CXCL12: variants seen among roughly 807,000 people sequenced by gnomAD.
CXCL12 encodes C-X-C motif chemokine ligand 12.
CXCL12 carries 4 observed loss-of-function variants against 10.7 expected under a neutral mutation model. That is an observed-to-expected ratio of 0.37 (90% CI 0.18 to 0.86). CXCL12 has a LOEUF of 0.86. Among genes scored for constraint, CXCL12 ranks in the 40% least tolerant of loss-of-function variants. The pLI is 0.43. For synonymous variants in CXCL12, 54 were observed against 45.4 expected, an observed-to-expected ratio of 1.19 and a Z score of -0.77; for missense variants, 122 against 110.4, an observed-to-expected ratio of 1.10 and a Z score of -0.47.
intron 1 of CXCL12, 54 bp from the exon 2 acceptor site, chr10:44,380,934 T>G: frequency 2.8e-6 from 4 of 1,438,344 alleles, no homozygotes; most frequent in Non-Finnish European, 3.9e-6. Flanking sequence ...ATTTTGGTAA[T>G]GTGTGTCTGG....
Position 44,378,542 on chromosome 10 carries a change from C to CT in CXCL12, c.*90_*91insA. 6.3e-7 allele frequency: 1 copy of CT among 1,586,626 alleles called. No individual in the cohort carries two copies. Among genetic ancestry groups the CT allele is most frequent in the South Asian group, 1.1e-5 (1 of 88,484 alleles). ...CACACCTGGTCCTCATGGTTAAGGC[C>CT]CCCTCCCCCACGTCTTTGCCCTTTC... On this transcript the variant is annotated 3_prime_UTR_variant, in exon 3 of 3. Transcript: ENST00000343575.
chr10:44,373,346 G>C, downstream of CXCL12: 12 of 1,606,776 alleles, frequency 7.5e-6, no homozygotes, highest in Non-Finnish European at 9.4e-6. Context: ...TGAACCTCCT[G>C]TTGACAAGAA....
Position 44,385,081 on chromosome 10 carries a change from G to A in CXCL12, c.-76C>T. The A allele has an allele frequency of 8.7e-7, 1 of 1,155,552 alleles. No homozygotes were observed. The highest frequency in any genetic ancestry group is 3.0e-4 in the Middle Eastern group (1 of 3,376). The allele number at this position is 1,155,552 out of a possible 1,614,324, so 71.6% of individuals were successfully genotyped here. On this transcript the variant is annotated 5_prime_UTR_variant, in exon 1 of 3. Transcript: ENST00000343575. The stretch of plus-strand genomic sequence containing the variant: ...CGCCGAGCGGGCAATGCGGCTGACG[G>A]AGAGTGAAAGTGCGGCGGTGGGAGG...
At chr10:44,384,163 G>A (rs979691110) in intron 1 of CXCL12, among the ~76,000 whole-genome samples, 3 of 152,192 alleles carry the variant, frequency 2.0e-5, no homozygotes, top group Admixed American at 6.5e-5. Flanking sequence ...GGTGACAAAA[G>A]AGCCTGTCTG....
chr10:44,376,613 G>A (rs2132040612), downstream of CXCL12, among the ~76,000 whole-genome samples: 1 of 152,298 alleles, frequency 6.6e-6, no homozygotes, highest in South Asian at 2.1e-4. Context: ...GAGAGAGCTG[G>A]TTAGCAGAAT....
intron 1 of CXCL12, among the ~76,000 whole-genome samples, chr10:44,382,501 C>T (rs1229510323): frequency 2.0e-5 from 3 of 152,154 alleles, no homozygotes; most frequent in Non-Finnish European, 4.4e-5. Flanking sequence ...AGCCCCCTCC[C>T]GGCAACAGTG....
chr10:44,381,324 C>A (rs1420742268), intron 1 of CXCL12, among the ~76,000 whole-genome samples: 2 of 152,250 alleles, frequency 1.3e-5, no homozygotes, highest in Non-Finnish European at 2.9e-5. Context: ...GGCTCCCTGG[C>A]CTCTCTCCTC....
intron 2 of CXCL12, 146 bp downstream of exon 2, chr10:44,380,617 A>G (rs752638868): frequency 2.7e-6 from 2 of 736,364 alleles, no homozygotes; most frequent in Non-Finnish European, 4.8e-6. Flanking sequence ...TCCTCATGAT[A>G]AGAATAGCTG....
chr10:44,372,956 G>T, downstream of CXCL12: 1 of 1,535,912 alleles, frequency 6.5e-7, no homozygotes, highest in Non-Finnish European at 8.7e-7. Flanking sequence ...TCCACCCTAG[G>T]GCTGACCATG....
chr10:44,374,641 G>C (rs1453883279), downstream of CXCL12: 2 of 455,966 alleles, frequency 4.4e-6, no homozygotes, highest in East Asian at 6.9e-5. Context: ...TGTGATCACA[G>C]GGAGCTCATT....
chr10:44,383,361 G>A (rs1272090755), intron 1 of CXCL12, among the ~76,000 whole-genome samples: 1 of 152,150 alleles, frequency 6.6e-6, no homozygotes, highest in Non-Finnish European at 1.5e-5. Flanking sequence ...GCCAGGAGGA[G>A]TCTGGGATGA....
downstream of CXCL12, chr10:44,377,057 G>A (rs987664361): frequency 5.1e-6 from 5 of 982,958 alleles, no homozygotes; most frequent in African/African-American, 3.5e-5. Context: ...AACCAGAAAC[G>A]TCTATAAGCT....
chr10:44,373,622 G>C (rs1839374860), downstream of CXCL12, among the ~76,000 whole-genome samples: 1 of 152,196 alleles, frequency 6.6e-6, no homozygotes, highest in South Asian at 2.1e-4. Context: ...GCACAGAGAG[G>C]CCCATCAGAG....
intron 1 of CXCL12, 54 bp from the exon 2 acceptor site, chr10:44,380,934 T>C: frequency 7.0e-7 from 1 of 1,438,346 alleles, no homozygotes; most frequent in Non-Finnish European, 9.8e-7. Flanking sequence ...ATTTTGGTAA[T>C]GTGTGTCTGG....
chr10:44,372,528 C>T, downstream of CXCL12: 1 of 714,662 alleles, frequency 1.4e-6, no homozygotes, highest in Non-Finnish European at 1.8e-6. Flanking sequence ...GACAATATTC[C>T]AAACAAGACA....
downstream of CXCL12, among the ~76,000 whole-genome samples, chr10:44,373,812 G>A: frequency 6.6e-6 from 1 of 152,218 alleles, no homozygotes; most frequent in Non-Finnish European, 1.5e-5. Flanking sequence ...GGTGGCCCCA[G>A]GTGGGACTGC....
chr10:44,383,090 A>G (rs1839680366), intron 1 of CXCL12, among the ~76,000 whole-genome samples: 1 of 152,184 alleles, frequency 6.6e-6, no homozygotes, highest in Admixed American at 6.5e-5. Flanking sequence ...AAGCCCGGGA[A>G]ACCCAAGGGC....
chr10:44,377,132 ATACCAT>A lies in CXCL12; in HGVS notation c.*1495_*1500del. On this transcript the variant is annotated 3_prime_UTR_variant, in exon 3 of 3. Coordinates refer to ENST00000343575, the MANE Select transcript of CXCL12 (RefSeq NM_199168.4). ...AATTCCCACATACAGTAGGACGTTT[ATACCAT>A]GAAACAATTAGCATTTTATTGCTAG... 1.0e-6 allele frequency: 1 copy of A among 986,278 alleles called. No individual in the cohort carries two copies. Among genetic ancestry groups the A allele is most frequent in the Non-Finnish European group, 1.2e-6 (1 of 830,652 alleles). The allele number at this position is 986,278 out of a possible 1,614,324, so 61.1% of individuals were successfully genotyped here. A position where few individuals can be genotyped will look rare whatever the true frequency, so the allele number is the denominator to read the frequency against.
Position 44,378,127 on chromosome 10 carries a change from G to C in CXCL12, c.*506C>G. On this transcript the variant is annotated 3_prime_UTR_variant, in exon 3 of 3. Transcript: ENST00000343575. Reference sequence around the variant, plus strand: ...CCACAGAGGCCTTCCTCTTGGGAGGGGCGCTGCTGCGGGAGCCTCAGTGTC... The same window carrying C: ...CCACAGAGGCCTTCCTCTTGGGAGGCGCGCTGCTGCGGGAGCCTCAGTGTC... 1 of 1,441,486 alleles carries C rather than the reference G, an allele frequency of 6.9e-7. No individual in the cohort carries two copies. The highest frequency in any genetic ancestry group is 9.1e-7 in the Non-Finnish European group (1 of 1,102,908). The allele number at this position is 1,441,486 out of a possible 1,614,324, so 89.3% of individuals were successfully genotyped here.
Sources: gnomAD v4.1 joint callset for allele counts (sites outside exome capture counted in the v4.1 genomes callset) on GRCh38, gnomAD v4.1.1 for gene constraint, MANE v1.5 for transcripts, NCBI Gene and HGNC (gene_info 2026-07-23, HGNC 2026-07-21) for gene names.